TBC1D23: variants seen among roughly 807,000 people sequenced by gnomAD.
TBC1D23 encodes HCV non-structural protein 4A-transactivated protein 1.
A neutral mutation model predicts 91.4 loss-of-function variants in TBC1D23; 55 were observed. The ratio of observed to expected loss-of-function variants is 0.60; its 90% CI spans 0.48 to 0.75. The LOEUF (loss-of-function observed/expected upper bound fraction) is 0.75, where lower values mean the gene tolerates loss of function less well. Among genes scored for constraint, TBC1D23 ranks in the 30% least tolerant of loss-of-function variants. The probability of loss-of-function intolerance (pLI) is 0.00; values close to 1 mark genes in which losing one functional copy is unlikely to be tolerated. For synonymous variants in TBC1D23, 289 were observed against 281.0 expected (o/e 1.03, Z -0.28); for missense variants, 725 against 836.1 (o/e 0.87, Z 1.64).
At chr3:100,313,618 T>C (rs1705669764) in intron 15 of TBC1D23, among the ~76,000 whole-genome samples, 1 of 152,222 alleles carries the variant, frequency 6.6e-6, no homozygotes. Flanking sequence ...TCATACTTTC[T>C]GGTTATTTGG....
rs370742513 is a variant in TBC1D23 at position 100,271,538 on chromosome 3, A to G, written c.54-8111A>G. 1.2e-4 allele frequency among the ~76,000 whole-genome samples: 19 copies of G among 152,184 alleles called. No individual in the cohort carries two copies. In the East Asian group the frequency reaches 1.5e-3, roughly 12 times the overall value. ...TTACCAGTCTTAGGCTAGAGAAGAG[A>G]TACGTAAGTCTCCTGTGGATACAGG... is the stretch of plus-strand genomic sequence containing the variant. On this transcript the variant is annotated intron_variant, in intron 1 of 18. Transcript: ENST00000394144.
chr3:100,269,817 TGTG>T (rs1423138551), intron 1 of TBC1D23, among the ~76,000 whole-genome samples: 3 of 152,182 alleles, frequency 2.0e-5, no homozygotes, highest in African/African-American at 7.2e-5. Context: ...CCCCCAGAAA[TGTG>T]GTGGCACAAA....
chr3:100,321,879 CAT>C (rs1488588629), intron 18 of TBC1D23, among the ~76,000 whole-genome samples: 1 of 148,084 alleles, frequency 6.8e-6, no homozygotes, highest in Non-Finnish European at 1.5e-5. Flanking sequence ...TAAATATTTA[CAT>C]AGTGATATTT....
chr3:100,318,232 TA>T, intron 16 of TBC1D23, among the ~76,000 whole-genome samples: 1 of 152,266 alleles, frequency 6.6e-6, no homozygotes, highest in East Asian at 1.9e-4. Flanking sequence ...AACCTGTAAT[TA>T]TTTACCTTAG....
chr3:100,308,063 ATTATC>A (rs1300696894), intron 13 of TBC1D23, among the ~76,000 whole-genome samples: 1 of 152,254 alleles, frequency 6.6e-6, no homozygotes, highest in South Asian at 2.1e-4. Context: ...TATTTTAGAA[ATTATC>A]TTAAAGAGCA....
chr3:100,261,426 T>C (rs1004494124), intron 1 of TBC1D23: 5 of 330,320 alleles, frequency 1.5e-5, no homozygotes. Context: ...AGGAAGTTTG[T>C]TGGATGCAGA....
In TBC1D23 at chr3:100,295,283, A is replaced by T. The variant is rs1367344520; in HGVS notation, c.726-19A>T. On this transcript the variant is annotated intron_variant, in intron 6 of 18. Coordinates refer to ENST00000394144, the MANE Select transcript of TBC1D23 (RefSeq NM_001199198.3). ...CTCTGTTAATATTTAACTCAAATTGATTTGATTCCCTTTTACAGAGAAGTT... is the reference window on the plus strand; with the variant it reads ...CTCTGTTAATATTTAACTCAAATTGTTTTGATTCCCTTTTACAGAGAAGTT... 6.2e-7 allele frequency: 1 copy of T among 1,606,684 alleles called. No individual in the cohort carries two copies. The highest frequency in any genetic ancestry group is 1.3e-5 in the African/African-American group (1 of 74,350).
chr3:100,305,008 T>A (rs1705493765), intron 12 of TBC1D23, 120 bp downstream of exon 12: 2 of 572,916 alleles, frequency 3.5e-6, no homozygotes, highest in Non-Finnish European at 6.1e-6. Context: ...ATTCATTCAA[T>A]ATTTTCAGAA....
chr3:100,312,770 T>C (rs1390833159), intron 15 of TBC1D23, among the ~76,000 whole-genome samples: 1 of 152,134 alleles, frequency 6.6e-6, no homozygotes, highest in Admixed American at 6.5e-5. Flanking sequence ...AGTTAAGCTT[T>C]GGAATAATGG....
In TBC1D23 at chr3:100,323,746, C is replaced by A; in HGVS notation, c.*78C>A. 1.7e-6 allele frequency: 1 copy of A among 596,916 alleles called. No homozygotes were observed. The highest frequency in any genetic ancestry group is 2.5e-6 in the Non-Finnish European group (1 of 393,622). 37.0% of individuals were successfully genotyped at this position (596,916 alleles called of 1,614,324 possible). A position where few individuals can be genotyped will look rare whatever the true frequency, so the allele number is the denominator to read the frequency against. On this transcript the variant is annotated 3_prime_UTR_variant, in exon 19 of 19. Transcript: ENST00000394144. ...CATATACCTCCTGACTGAATACTAA[C>A]TGGAGACCTTTCATTTGCTCATGGG... is the stretch of plus-strand genomic sequence containing the variant.
intron 16 of TBC1D23, among the ~76,000 whole-genome samples, chr3:100,316,842 A>G (rs1705756627): frequency 6.6e-6 from 1 of 152,154 alleles, no homozygotes; most frequent in Non-Finnish European, 1.5e-5. Flanking sequence ...CTGTAATCCC[A>G]GCACTTTGGG....
At chr3:100,323,416 A>G (rs1474435330) in intron 18 of TBC1D23, among the ~76,000 whole-genome samples, 171 bp from the exon 19 acceptor site, 4 of 152,190 alleles carry the variant, frequency 2.6e-5, no homozygotes, top group African/African-American at 4.8e-5. Context: ...ATTATGTTCA[A>G]ATAAGCTATG....
At position 100,281,524 on chromosome 3, in the gene TBC1D23, T is replaced by G. The variant is rs75216003; in HGVS notation, c.166-218T>G. 5.1e-3 allele frequency among the ~76,000 whole-genome samples: 782 copies of G among 152,348 alleles called. 11 individuals are homozygous for G. The highest frequency in any genetic ancestry group is 0.017 in the African/African-American group (716 of 41,596). Reference sequence around the variant, plus strand: ...TAAATATTTTGGGTAATTTATTGTATTCACTAAATCAACATGAAGAAATAT... The same window carrying G: ...TAAATATTTTGGGTAATTTATTGTAGTCACTAAATCAACATGAAGAAATAT... On this transcript the variant is annotated intron_variant, in intron 2 of 18. Coordinates refer to ENST00000394144, the MANE Select transcript of TBC1D23 (RefSeq NM_001199198.3).
chr3:100,313,161 G>T (rs1705659565), intron 15 of TBC1D23, among the ~76,000 whole-genome samples: 2 of 152,048 alleles, frequency 1.3e-5, no homozygotes, highest in African/African-American at 4.8e-5. Flanking sequence ...AAAGGAAATT[G>T]CTTGTTTTAA....
At chr3:100,291,352 G>A (rs964545877) in intron 5 of TBC1D23, among the ~76,000 whole-genome samples, 3 of 152,166 alleles carry the variant, frequency 2.0e-5, no homozygotes, top group Non-Finnish European at 2.9e-5. Context: ...GGAGGCTAAG[G>A]AAGGTGGATC....
At chr3:100,263,548 C>G (rs1458283488) in intron 1 of TBC1D23, among the ~76,000 whole-genome samples, 1 of 152,090 alleles carries the variant, frequency 6.6e-6, no homozygotes, top group Non-Finnish European at 1.5e-5. Flanking sequence ...CAGAAAAATA[C>G]GTCTTTTTGC....
intron 10 of TBC1D23, among the ~76,000 whole-genome samples, chr3:100,301,638 A>G (rs904360676): frequency 6.6e-6 from 1 of 152,236 alleles, no homozygotes; most frequent in African/African-American, 2.4e-5. Flanking sequence ...TAGTGCTGAT[A>G]AACAAATGCC....
chr3:100,309,304 G>A (rs1705574784), intron 13 of TBC1D23, among the ~76,000 whole-genome samples: 1 of 152,050 alleles, frequency 6.6e-6, no homozygotes, highest in South Asian at 2.1e-4. Flanking sequence ...CATTTACAAG[G>A]GATATTTAAA....
chr3:100,292,812 G>A (rs2067803400), intron 5 of TBC1D23, among the ~76,000 whole-genome samples: 1 of 152,164 alleles, frequency 6.6e-6, no homozygotes, highest in East Asian at 1.9e-4. Flanking sequence ...TATTGCCTGA[G>A]CTGGTCTCAA....
Sources: allele counts gnomAD v4.1 joint callset (sites outside exome capture counted in the v4.1 genomes callset), GRCh38; gene constraint gnomAD v4.1.1; transcripts MANE v1.5; gene names NCBI Gene and HGNC (gene_info 2026-07-23, HGNC 2026-07-21).